The following MTUS2 variants were observed in gnomAD, a reference collection of about 807,000 sequenced individuals.
MTUS2 encodes the protein microtubule associated scaffold protein 2.
In MTUS2, 40 loss-of-function variants were observed where a neutral mutation model predicts 114.1. That is an observed-to-expected ratio of 0.35 (90% CI 0.27 to 0.46). MTUS2 has a LOEUF of 0.46. Ranked by LOEUF, MTUS2 falls within the 20% of genes least tolerant of loss-of-function variation. MTUS2 has a pLI of 1.00. For synonymous variants in MTUS2, 688 were observed against 672.0 expected, an observed-to-expected ratio of 1.02 and a Z score of -0.37; for missense variants, 1,679 against 1,705.4, an observed-to-expected ratio of 0.98 and a Z score of 0.27.
chr13:28,992,200 C>T (rs934280790), intron 2 of MTUS2, among the ~76,000 whole-genome samples: 1 of 152,218 alleles, frequency 6.6e-6, no homozygotes, highest in South Asian at 2.1e-4. Context: ...AGGGAAGTGT[C>T]TTAGCAGCAA....
intron 4 of MTUS2, among the ~76,000 whole-genome samples, chr13:29,055,439 G>T (rs1888088234): frequency 1.3e-5 from 2 of 152,084 alleles, no homozygotes; most frequent in Admixed American, 1.3e-4. Context: ...AATTGTGTGT[G>T]GTTTGGTATA....
intron 5 of MTUS2, among the ~76,000 whole-genome samples, chr13:29,103,522 T>C (rs565328478): frequency 1.5e-4 from 23 of 152,318 alleles, no homozygotes; most frequent in Non-Finnish European, 2.9e-4. Flanking sequence ...CGAATGAAGC[T>C]TGCAGGAGTG....
chr13:29,222,679 C>T (rs946484419), intron 5 of MTUS2, among the ~76,000 whole-genome samples: 37 of 152,298 alleles, frequency 2.4e-4, no homozygotes, highest in African/African-American at 7.5e-4. Flanking sequence ...GGGGTGGGAG[C>T]CCCGCCCTCC....
chr13:29,000,281 C>T (rs1280837411), intron 2 of MTUS2, among the ~76,000 whole-genome samples: 1 of 152,142 alleles, frequency 6.6e-6, no homozygotes, highest in East Asian at 1.9e-4. Context: ...TTTTGTTTAT[C>T]TGGGAATGTC....
At chr13:28,946,639 A>C (rs1330040072) in intron 2 of MTUS2, among the ~76,000 whole-genome samples, 1 of 152,098 alleles carries the variant, frequency 6.6e-6, no homozygotes, top group Non-Finnish European at 1.5e-5. Context: ...ATAATTAGTA[A>C]TTTTCTCAAA....
chr13:28,916,584 G>A (rs539700152), intron 2 of MTUS2, among the ~76,000 whole-genome samples: 29 of 151,244 alleles, frequency 1.9e-4, no homozygotes, highest in Non-Finnish European at 3.6e-4. Flanking sequence ...TTCTTTTTCA[G>A]ATTGTTCAAA....
chr13:29,034,097 C>A lies in MTUS2; in HGVS notation c.2418C>A (p.Ala806=). The change falls in exon 4 of 16, where the codon GCC becomes GCA. Residue 806 remains alanine, a synonymous_variant. Coordinates refer to ENST00000612955, the MANE Select transcript of MTUS2 (RefSeq NM_001033602.4). ...ACCCACCAGGACCCATAACAACAGC[C>A]ACCAGTCTCTACAGTTCCGATCCTT... ...AIHPPGPITT[A]TSLYSSDPSA... The A allele has an allele frequency of 1.2e-6, 2 of 1,614,028 alleles. No individual in the cohort carries two copies. The highest frequency in any genetic ancestry group is 1.7e-6 in the Non-Finnish European group (2 of 1,179,892).
At chr13:28,862,931 A>G (rs1016684895) in intron 2 of MTUS2, among the ~76,000 whole-genome samples, 1 of 152,162 alleles carries the variant, frequency 6.6e-6, no homozygotes, top group Non-Finnish European at 1.5e-5. Context: ...CCTTTTCTCT[A>G]TTTCCCAAAT....
intron 6 of MTUS2, among the ~76,000 whole-genome samples, chr13:29,316,878 C>T (rs779375382): frequency 1.3e-5 from 2 of 152,154 alleles, no homozygotes; most frequent in African/African-American, 2.4e-5. Context: ...AAATATTTCC[C>T]CCAAAAGTGT....
intron 7 of MTUS2, among the ~76,000 whole-genome samples, chr13:29,326,130 A>G (rs1593305775): frequency 6.6e-6 from 1 of 152,196 alleles, no homozygotes; most frequent in African/African-American, 2.4e-5. Context: ...TGCACAAGGA[A>G]GGAAAAGAAA....
At position 28,907,091 on chromosome 13, in the gene MTUS2, C is replaced by G. The variant is rs1010225407; in HGVS notation, c.-243+67241C>G. Among the ~76,000 whole-genome samples, 19 of 151,420 alleles carry G rather than the reference C, an allele frequency of 1.3e-4. 1 individual carries two copies. The highest frequency in any genetic ancestry group is 5.3e-4 in the Admixed American group (8 of 15,162). On this transcript the variant is annotated intron_variant, in intron 2 of 15. Coordinates refer to ENST00000612955, the MANE Select transcript of MTUS2 (RefSeq NM_001033602.4). ...GTACAAGCCAGAAGAGAGTGGGGGC[C>G]AGTATTCAACATTCTTAAAGAAAAG...
At chr13:28,977,004 C>G (rs563811951) in intron 2 of MTUS2, among the ~76,000 whole-genome samples, 1 of 152,098 alleles carries the variant, frequency 6.6e-6, no homozygotes, top group Non-Finnish European at 1.5e-5. Context: ...ACCCTTCCCC[C>G]CTTTGAGTTT....
chr13:29,335,238 G>A (rs368149127), intron 7 of MTUS2, among the ~76,000 whole-genome samples: 118 of 152,192 alleles, frequency 7.8e-4, no homozygotes, highest in Middle Eastern at 6.8e-3. Flanking sequence ...TATCTTTTAC[G>A]GTCGTAGATA....
intron 8 of MTUS2, among the ~76,000 whole-genome samples, chr13:29,400,691 A>T (rs1874260776): frequency 6.6e-6 from 1 of 152,202 alleles, no homozygotes; most frequent in South Asian, 2.1e-4. Context: ...TCATTCCTAT[A>T]CGTTTAGCAA....
At chr13:29,326,409 T>A (rs2138030730) in intron 7 of MTUS2, among the ~76,000 whole-genome samples, 1 of 152,128 alleles carries the variant, frequency 6.6e-6, no homozygotes, top group East Asian at 1.9e-4. Context: ...AGAGTAAAAA[T>A]AATATGTAAT....
chr13:29,033,395 C>A (rs1225526229), intron 3 of MTUS2, among the ~76,000 whole-genome samples: 3 of 152,048 alleles, frequency 2.0e-5, no homozygotes, highest in Admixed American at 2.0e-4. Flanking sequence ...ATTAACAATG[C>A]AATTTTTTGC....
At chr13:28,843,673 C>G (rs1207892032) in intron 2 of MTUS2, among the ~76,000 whole-genome samples, 1 of 152,168 alleles carries the variant, frequency 6.6e-6, no homozygotes, top group African/African-American at 2.4e-5. Flanking sequence ...ATGCATAAGA[C>G]TGTGCAATTT....
intron 2 of MTUS2, among the ~76,000 whole-genome samples, chr13:28,907,290 G>T (rs972366416): frequency 1.6e-4 from 24 of 151,628 alleles, no homozygotes; most frequent in Admixed American, 4.6e-4. Flanking sequence ...ACCAGCCACT[G>T]CAAAAACATG....
At chr13:29,283,462 C>G (rs1010306816) in intron 6 of MTUS2, among the ~76,000 whole-genome samples, 1 of 152,152 alleles carries the variant, frequency 6.6e-6, no homozygotes, top group African/African-American at 2.4e-5. Flanking sequence ...AATCTTTCAG[C>G]TACAATTTAT....
Sources: gnomAD v4.1 joint callset for allele counts (sites outside exome capture counted in the v4.1 genomes callset) on GRCh38, gnomAD v4.1.1 for gene constraint, MANE v1.5 for transcripts, NCBI Gene and HGNC (gene_info 2026-07-23, HGNC 2026-07-21) for gene names.